Variants in NME1 observed in about 807,000 individuals in gnomAD.
NME1 encodes the protein nucleoside diphosphate kinase A.
NME1 carries 9 observed loss-of-function variants against 17.2 expected under a neutral mutation model. The observed-to-expected ratio is 0.52, with a 90% CI of 0.32 to 0.92. The LOEUF (loss-of-function observed/expected upper bound fraction) is 0.92. NME1 is among the 40% of genes least tolerant of loss of function. The pLI, the probability that NME1 is intolerant of heterozygous loss-of-function variation, is 0.04. For missense variants in NME1, 169 were observed against 201.7 expected, an observed-to-expected ratio of 0.84 and a Z score of 0.98; for synonymous variants, 72 against 70.8, an observed-to-expected ratio of 1.02 and a Z score of -0.09.
chr17:51,158,105 C>A (rs530055701), intron 2 of NME1, among the ~76,000 whole-genome samples: 2 of 152,304 alleles, frequency 1.3e-5, no homozygotes, highest in South Asian at 2.1e-4. Context: ...CGTGGTGAAA[C>A]CCCGTCTCTA....
chr17:51,155,015 A>C (rs1202304115), intron 1 of NME1, among the ~76,000 whole-genome samples: 1 of 152,118 alleles, frequency 6.6e-6, no homozygotes, highest in Non-Finnish European at 1.5e-5. Context: ...TGAGGTGGGC[A>C]GATTACTTGA....
At chr17:51,154,492 T>C (rs763819826) in intron 1 of NME1, 2 of 1,507,624 alleles carry the variant, frequency 1.3e-6, no homozygotes, top group Non-Finnish European at 9.2e-7. Flanking sequence ...CTGGACGGAA[T>C]AGTTACTCTC....
At chr17:51,154,248 G>T in intron 1 of NME1, 1 of 833,836 alleles carries the variant, frequency 1.2e-6, no homozygotes, top group Non-Finnish European at 2.1e-6. Context: ...GTACCATAGA[G>T]TCTCTACACA....
chr17:51,161,435 AC>A, intron 4 of NME1, 163 bp downstream of exon 4: 1 of 762,028 alleles, frequency 1.3e-6, no homozygotes, highest in Non-Finnish European at 2.3e-6. Flanking sequence ...TTGGTTGTTA[AC>A]ATCACTTAGT....
intron 3 of NME1, chr17:51,160,423 G>C (rs565041133): frequency 5.2e-6 from 2 of 385,972 alleles, no homozygotes; most frequent in Non-Finnish European, 9.9e-6. Context: ...AAGGTCCCAG[G>C]GTGGGAATGA....
chr17:51,156,846 G>T (rs536536334), intron 2 of NME1, among the ~76,000 whole-genome samples: 1 of 144,114 alleles, frequency 6.9e-6, no homozygotes, highest in Admixed American at 7.3e-5. Flanking sequence ...GACCGAGATC[G>T]CATCATTGCA....
chr17:51,161,469 T>A, intron 4 of NME1, 197 bp downstream of exon 4: 1 of 684,800 alleles, frequency 1.5e-6, no homozygotes, highest in Non-Finnish European at 2.6e-6. Context: ...ACACGAAGTG[T>A]AGAACCTGGT....
chr17:51,154,086 C>T, intron 1 of NME1: 1 of 458,108 alleles, frequency 2.2e-6, no homozygotes, highest in Non-Finnish European at 4.0e-6. Context: ...GTCCTGTTTT[C>T]TCCTGGACAA....
Position 51,161,175 on chromosome 17 carries a change from A to C in NME1, c.244A>C (p.Asn82His). The change falls in exon 4 of 5, where the codon AAT becomes CAT. Residue 82 changes from asparagine (N) to histidine (H), a missense_variant. Transcript: ENST00000393196. ...GTCCTTGGAGGTCTGGGAGGGGCTG[A>C]ATGTGGTGAAGACGGGCCGAGTCAT... ...PVVAMVWEGL[N>H]VVKTGRVMLG... 1 of 1,611,432 alleles carries C rather than the reference A, an allele frequency of 6.2e-7. No homozygotes were observed. Among genetic ancestry groups the C allele is most frequent in the South Asian group, 1.1e-5 (1 of 90,336 alleles).
intron 1 of NME1, chr17:51,154,004 A>G (rs36055638): frequency 0.38 from 104,581 of 272,872 alleles, 20,520 homozygotes; most frequent in Middle Eastern, 0.41. Context: ...TTCAGCAAGC[A>G]CTGAGTGCTT....
intron 2 of NME1, among the ~76,000 whole-genome samples, chr17:51,156,814 C>A (rs940496090): frequency 6.7e-5 from 10 of 149,202 alleles, no homozygotes; most frequent in African/African-American, 2.5e-4. Flanking sequence ...ATCGCTTGAA[C>A]TGGGGAGGTG....
chr17:51,159,966 G>A lies in NME1; in HGVS notation c.127-14G>A, dbSNP rs1396096694. ...GGTTTGGGGGTTATTCTCATTCTCT[G>A]TCCTGTTGAATAGGCTTCCGAAGAT... On this transcript the variant is annotated splice_polypyrimidine_tract_variant and intron_variant, in intron 2 of 4. Transcript: ENST00000393196. 6.2e-7 allele frequency: 1 copy of A among 1,613,984 alleles called. No homozygotes were observed. The highest frequency in any genetic ancestry group is 1.7e-5 in the Admixed American group (1 of 60,016).
chr17:51,160,978 G>A, intron 3 of NME1, 182 bp from the exon 4 acceptor site: 1 of 736,216 alleles, frequency 1.4e-6, no homozygotes, highest in East Asian at 2.7e-5. Context: ...AGGCAAGCAT[G>A]AGGGCAGGGA....
rs2049870590 is a variant in NME1, at chr17:51,161,958, G to A, written c.*113G>A. 1.3e-6 allele frequency: 1 copy of A among 769,330 alleles called. No homozygotes were observed. The highest frequency in any genetic ancestry group is 2.3e-6 in the Non-Finnish European group (1 of 435,150). The allele number at this position is 769,330 out of a possible 1,614,324, so 47.7% of individuals were successfully genotyped here. A position where few individuals can be genotyped will look rare whatever the true frequency, so the allele number is the denominator to read the frequency against. On this transcript the variant is annotated 3_prime_UTR_variant, in exon 5 of 5. Coordinates refer to ENST00000393196, the MANE Select transcript of NME1 (RefSeq NM_000269.3). ...CAGGAACTTCATCATAATTTGGAGG[G>A]AAGCTCTTGGAGCTGTGAGTTCTCC...
intron 2 of NME1, among the ~76,000 whole-genome samples, chr17:51,158,053 G>C (rs527821227): frequency 6.6e-6 from 1 of 152,330 alleles, no homozygotes; most frequent in Non-Finnish European, 1.5e-5. Context: ...GTCAAGGTGG[G>C]TGGATCATCT....
At chr17:51,156,548 A>G (rs368824757) in intron 2 of NME1, 6 of 153,102 alleles carry the variant, frequency 3.9e-5, no homozygotes, top group African/African-American at 1.4e-4. Flanking sequence ...TTAGCTGGGC[A>G]TCAGGGTGGG....
At chr17:51,154,226 C>A (rs976462843) in intron 1 of NME1, 3 of 735,420 alleles carry the variant, frequency 4.1e-6, no homozygotes, top group Non-Finnish European at 7.6e-6. Context: ...GACTGCTAGG[C>A]CCTGTGGCTA....
intron 1 of NME1, chr17:51,154,520 T>C: frequency 1.6e-6 from 2 of 1,227,700 alleles, no homozygotes; most frequent in South Asian, 2.4e-5. Context: ...CCTTTCAGTA[T>C]GATGTCCCGT....
intron 1 of NME1, chr17:51,153,914 T>C: frequency 5.8e-6 from 1 of 172,710 alleles, no homozygotes; most frequent in Non-Finnish European, 1.3e-5. Flanking sequence ...CTTATTTGTG[T>C]CTGTCGAGAG....
Sources: allele counts gnomAD v4.1 joint callset (sites outside exome capture counted in the v4.1 genomes callset), GRCh38; gene constraint gnomAD v4.1.1; transcripts MANE v1.5; gene names NCBI Gene and HGNC (gene_info 2026-07-23, HGNC 2026-07-21).